SPAG16: variants seen among roughly 807,000 people sequenced by gnomAD.
SPAG16 encodes the protein sperm associated antigen 16.
In SPAG16, 86 loss-of-function variants were observed where a neutral mutation model predicts 80.4. The observed-to-expected ratio is 1.07, with a 90% CI of 0.90 to 1.28. The LOEUF (loss-of-function observed/expected upper bound fraction) is 1.28, where lower values mean the gene tolerates loss of function less well. Ranked by LOEUF, SPAG16 falls within the 50% of genes most tolerant of loss-of-function variation. The pLI, the probability that SPAG16 is intolerant of heterozygous loss-of-function variation, is 0.00. For missense variants in SPAG16, 870 were observed against 765.3 expected (o/e 1.14, Z -1.61); for synonymous variants, 294 against 265.9 (o/e 1.11, Z -1.03).
intron 12 of SPAG16, among the ~76,000 whole-genome samples, chr2:214,005,011 A>C (rs1274286654): frequency 5.3e-5 from 8 of 152,198 alleles, no homozygotes; most frequent in Non-Finnish European, 1.0e-4. Context: ...GCACTCAATA[A>C]ATGTCTGCTT....
chr2:213,407,007 C>T (rs1000576745), intron 9 of SPAG16, among the ~76,000 whole-genome samples: 7 of 151,018 alleles, frequency 4.6e-5, no homozygotes, highest in Non-Finnish European at 8.8e-5. Flanking sequence ...TCACATACTG[C>T]GGCGACCACT....
At chr2:213,415,121 G>C (rs919906634) in intron 9 of SPAG16, among the ~76,000 whole-genome samples, 1 of 152,214 alleles carries the variant, frequency 6.6e-6, no homozygotes, top group Non-Finnish European at 1.5e-5. Flanking sequence ...TGGGAACACA[G>C]AGCCAAACCA....
intron 10 of SPAG16, among the ~76,000 whole-genome samples, chr2:213,596,590 CT>C (rs2060891628): frequency 6.6e-6 from 1 of 152,070 alleles, no homozygotes; most frequent in Non-Finnish European, 1.5e-5. Flanking sequence ...AGTTTTCGTA[CT>C]TTTAGATACT....
intron 10 of SPAG16, among the ~76,000 whole-genome samples, chr2:213,846,163 A>C (rs893734157): frequency 1.3e-5 from 2 of 152,196 alleles, no homozygotes; most frequent in African/African-American, 4.8e-5. Flanking sequence ...AGATTGTTGA[A>C]AATTGTTTTG....
chr2:213,886,861 A>T (rs4673772), intron 11 of SPAG16, among the ~76,000 whole-genome samples: 89,717 of 151,292 alleles, frequency 0.59, 28,430 homozygotes, highest in South Asian at 0.85. Flanking sequence ...AAATTAGAAC[A>T]ATGGACACTA....
intron 10 of SPAG16, among the ~76,000 whole-genome samples, chr2:213,851,701 G>A (rs1324112673): frequency 1.3e-5 from 2 of 152,158 alleles, no homozygotes; most frequent in African/African-American, 4.8e-5. Context: ...AGCACTACCA[G>A]CCAGGTGGCA....
intron 10 of SPAG16, among the ~76,000 whole-genome samples, chr2:213,596,756 G>A (rs185820676): frequency 6.6e-6 from 1 of 152,090 alleles, no homozygotes; most frequent in Non-Finnish European, 1.5e-5. Flanking sequence ...TACACCAATT[G>A]TAGAGACAAT....
intron 7 of SPAG16, among the ~76,000 whole-genome samples, chr2:213,359,891 C>T (rs2065881631): frequency 1.3e-5 from 2 of 152,126 alleles, no homozygotes; most frequent in African/African-American, 4.8e-5. Context: ...TGTTCCTATT[C>T]AGCCATCTTG....
At chr2:213,788,272 T>C (rs1378266735) in intron 10 of SPAG16, among the ~76,000 whole-genome samples, 1 of 151,958 alleles carries the variant, frequency 6.6e-6, no homozygotes. Flanking sequence ...AATATAAGTA[T>C]TTATAGAAGT....
chr2:213,987,097 TG>T (rs1249567778), intron 12 of SPAG16, among the ~76,000 whole-genome samples: 2 of 152,014 alleles, frequency 1.3e-5, no homozygotes, highest in African/African-American at 4.8e-5. Context: ...TTCCTCAAGG[TG>T]GGGGAAGTCT....
At chr2:213,343,262 C>G (rs183605977) in intron 6 of SPAG16, among the ~76,000 whole-genome samples, 4 of 152,052 alleles carry the variant, frequency 2.6e-5, no homozygotes, top group African/African-American at 9.7e-5. Flanking sequence ...ACTTAATATC[C>G]TCCACAAGCC....
At chr2:214,255,222 C>T (rs1690593752) in intron 15 of SPAG16, among the ~76,000 whole-genome samples, 1 of 151,994 alleles carries the variant, frequency 6.6e-6, no homozygotes, top group Admixed American at 6.6e-5. Flanking sequence ...GTACCCACTT[C>T]CTCCTTTTGG....
chr2:213,681,057 G>T (rs1179264712), intron 10 of SPAG16, among the ~76,000 whole-genome samples: 1 of 152,132 alleles, frequency 6.6e-6, no homozygotes, highest in Non-Finnish European at 1.5e-5. Flanking sequence ...GAGAGAGCAG[G>T]TTATAAAATG....
At chr2:213,978,917 A>G (rs2045553985) in intron 12 of SPAG16, among the ~76,000 whole-genome samples, 1 of 152,054 alleles carries the variant, frequency 6.6e-6, no homozygotes, top group African/African-American at 2.4e-5. Flanking sequence ...GAAAAAAACG[A>G]TAGGGCATTT....
At chr2:214,161,006 A>G (rs1226308217) in intron 15 of SPAG16, among the ~76,000 whole-genome samples, 1 of 151,996 alleles carries the variant, frequency 6.6e-6, no homozygotes, top group Non-Finnish European at 1.5e-5. Context: ...TTTAGATTAT[A>G]TTGAGTCAAT....
intron 15 of SPAG16, among the ~76,000 whole-genome samples, chr2:214,356,411 G>T (rs1698805603): frequency 9.3e-6 from 1 of 107,838 alleles, no homozygotes; most frequent in South Asian, 3.8e-4. Context: ...TATCTAGGCT[G>T]CCCATAATTT....
At chr2:214,314,400 A>C (rs555039399) in intron 15 of SPAG16, among the ~76,000 whole-genome samples, 2 of 152,334 alleles carry the variant, frequency 1.3e-5, no homozygotes, top group East Asian at 3.9e-4. Context: ...CTAAGTGCTA[A>C]CTTTAATCTT....
At chr2:214,404,275 C>A (rs1701871008) in intron 15 of SPAG16, among the ~76,000 whole-genome samples, 1 of 152,160 alleles carries the variant, frequency 6.6e-6, no homozygotes, top group Non-Finnish European at 1.5e-5. Flanking sequence ...TGCCAAAGAT[C>A]TGATTTCAGC....
chr2:214,127,311 C>T (rs2054542397), intron 14 of SPAG16, among the ~76,000 whole-genome samples: 1 of 151,766 alleles, frequency 6.6e-6, no homozygotes, highest in Non-Finnish European at 1.5e-5. Context: ...CTGTGGCTAG[C>T]TTTTACTCTT....
Sources: allele counts gnomAD v4.1 joint callset (sites outside exome capture counted in the v4.1 genomes callset), GRCh38; gene constraint gnomAD v4.1.1; transcripts MANE v1.5; gene names NCBI Gene and HGNC (gene_info 2026-07-23, HGNC 2026-07-21).